Variants in PTPN22 observed in about 807,000 individuals in gnomAD.
PTPN22 encodes tyrosine-protein phosphatase non-receptor type 22.
PTPN22 carries 85 observed loss-of-function variants against 103.3 expected under a neutral mutation model. That is an observed-to-expected ratio of 0.82 (90% CI 0.69 to 0.99). The LOEUF is 0.99. Among genes scored for constraint, PTPN22 ranks in the 50% least tolerant of loss-of-function variants. The pLI is 0.00. For synonymous variants in PTPN22, 323 were observed against 310.2 expected, an observed-to-expected ratio of 1.04 and a Z score of -0.43; for missense variants, 865 against 936.9, an observed-to-expected ratio of 0.92 and a Z score of 1.00.
intron 11 of PTPN22, among the ~76,000 whole-genome samples, chr1:113,843,646 T>C (rs1023900771): frequency 2.0e-5 from 3 of 152,162 alleles, no homozygotes; most frequent in African/African-American, 7.2e-5. Flanking sequence ...TGACACTACA[T>C]TGTACACTTA....
chr1:113,830,506 G>C (rs1411170237), intron 16 of PTPN22, among the ~76,000 whole-genome samples: 1 of 152,138 alleles, frequency 6.6e-6, no homozygotes, highest in African/African-American at 2.4e-5. Context: ...AACTGTTACA[G>C]ATTTCAAAAG....
intron 1 of PTPN22, among the ~76,000 whole-genome samples, chr1:113,868,283 T>C (rs1276377318): frequency 6.6e-6 from 1 of 152,062 alleles, no homozygotes; most frequent in Non-Finnish European, 1.5e-5. Flanking sequence ...TACCTGGAAA[T>C]AGAGATGCCT....
At chr1:113,856,290 T>C in intron 7 of PTPN22, 92 bp downstream of exon 7, 1 of 1,425,528 alleles carries the variant, frequency 7.0e-7, no homozygotes, top group Non-Finnish European at 9.2e-7. Context: ...CCACTTCCCA[T>C]TGTCTTATGC....
At chr1:113,853,601 C>T (rs1483902627) in intron 9 of PTPN22, among the ~76,000 whole-genome samples, 4 of 152,042 alleles carry the variant, frequency 2.6e-5, no homozygotes, top group East Asian at 1.9e-4. Context: ...CAGCCTGCCT[C>T]GGCCTCCCAA....
At chr1:113,855,074 G>A (rs1386713737) in intron 7 of PTPN22, 25 bp from the exon 8 acceptor site, 6 of 1,587,428 alleles carry the variant, frequency 3.8e-6, no homozygotes, top group Non-Finnish European at 5.2e-6. Context: ...CAGATGGGAG[G>A]GGAAGAGGGG....
chr1:113,856,887 A>AATC, intron 5 of PTPN22: 1 of 405,490 alleles, frequency 2.5e-6, no homozygotes, highest in Middle Eastern at 7.4e-4. Context: ...AACTAACAGA[A>AATC]ATCATATGTC....
intron 16 of PTPN22, among the ~76,000 whole-genome samples, chr1:113,831,779 T>G (rs1248262333): frequency 6.6e-6 from 1 of 152,202 alleles, no homozygotes; most frequent in Non-Finnish European, 1.5e-5. Context: ...GTGATTACAG[T>G]CAGTGCCACA....
chr1:113,833,827 C>A (rs1662756923), intron 15 of PTPN22, among the ~76,000 whole-genome samples: 1 of 152,196 alleles, frequency 6.6e-6, no homozygotes, highest in Non-Finnish European at 1.5e-5. Flanking sequence ...AAGTAATATG[C>A]ACACCTGTCA....
At chr1:113,866,250 C>T (rs983829613) in intron 1 of PTPN22, among the ~76,000 whole-genome samples, 3 of 152,120 alleles carry the variant, frequency 2.0e-5, no homozygotes, top group African/African-American at 7.2e-5. Flanking sequence ...CGGTGGCTCA[C>T]ACCTGTAATC....
intron 1 of PTPN22, among the ~76,000 whole-genome samples, chr1:113,862,065 G>A (rs1665660860): frequency 1.3e-5 from 2 of 151,992 alleles, no homozygotes; most frequent in East Asian, 1.9e-4. Flanking sequence ...CAGATCACTA[G>A]GTCAGGAGTT....
intron 19 of PTPN22, among the ~76,000 whole-genome samples, chr1:113,821,408 G>A (rs1038835054): frequency 3.9e-5 from 6 of 152,056 alleles, no homozygotes; most frequent in South Asian, 4.2e-4. Context: ...CACAACCACC[G>A]CCTCCCAGGT....
chr1:113,815,682 G>C (rs770973336), intron 20 of PTPN22, among the ~76,000 whole-genome samples: 15 of 152,126 alleles, frequency 9.9e-5, no homozygotes, highest in South Asian at 4.1e-4. Context: ...CTTTTTGTTT[G>C]TTTGTTTTTT....
At chr1:113,864,868 T>C (rs1019886331) in intron 1 of PTPN22, among the ~76,000 whole-genome samples, 5 of 149,202 alleles carry the variant, frequency 3.4e-5, no homozygotes, top group Admixed American at 6.7e-5. Flanking sequence ...GCAGAGATCG[T>C]GCCACTGCAC....
At chr1:113,828,389 T>C (rs1259422270) in intron 18 of PTPN22, among the ~76,000 whole-genome samples, 2 of 152,164 alleles carry the variant, frequency 1.3e-5, no homozygotes, top group Non-Finnish European at 2.9e-5. Flanking sequence ...GTTTTTGTTT[T>C]TGTTTTTTTA....
chr1:113,831,234 A>G (rs1662516177), intron 16 of PTPN22, among the ~76,000 whole-genome samples: 1 of 152,072 alleles, frequency 6.6e-6, no homozygotes, highest in African/African-American at 2.4e-5. Context: ...TTTGGGTGTA[A>G]ATTCCTCTGC....
At chr1:113,832,077 TAGA>T (rs1388733396) in intron 16 of PTPN22, among the ~76,000 whole-genome samples, 2 of 151,990 alleles carry the variant, frequency 1.3e-5, no homozygotes, top group Non-Finnish European at 2.9e-5. Flanking sequence ...ATGAGAAAAA[TAGA>T]AGGAGAAAGT....
chr1:113,818,635 T>A (rs997707299), intron 20 of PTPN22, among the ~76,000 whole-genome samples: 2 of 152,180 alleles, frequency 1.3e-5, no homozygotes, highest in African/African-American at 4.8e-5. Context: ...TGCTTCTTCC[T>A]CAAATAGAAT....
At chr1:113,871,055 C>A (rs749835999) in intron 1 of PTPN22, among the ~76,000 whole-genome samples, 28 of 151,672 alleles carry the variant, frequency 1.8e-4, no homozygotes, top group East Asian at 1.4e-3. Context: ...ACAACAACAA[C>A]AAAAAAAACT....
chr1:113,815,021 A>G, intron 20 of PTPN22, 52 bp from the exon 21 acceptor site: 1 of 1,314,008 alleles, frequency 7.6e-7, no homozygotes, highest in South Asian at 1.2e-5. Context: ...AAGTATAGAA[A>G]TGAATACTTG....
Sources: allele counts gnomAD v4.1 joint callset (sites outside exome capture counted in the v4.1 genomes callset), GRCh38; gene constraint gnomAD v4.1.1; transcripts MANE v1.5; gene names NCBI Gene and HGNC (gene_info 2026-07-23, HGNC 2026-07-21).